The following COPB2 variants were observed in gnomAD, a reference collection of about 807,000 sequenced individuals.
COPB2 encodes the protein coat protein complex I subunit beta 2.
A neutral mutation model predicts 120.8 loss-of-function variants in COPB2; 16 were observed. That is an observed-to-expected ratio of 0.13 (90% CI 0.09 to 0.20). COPB2 has a LOEUF of 0.20. Ranked by LOEUF, COPB2 falls within the 10% of genes least tolerant of loss-of-function variation. The pLI is 1.00. For synonymous variants in COPB2, 332 were observed against 366.3 expected (o/e 0.91, Z 1.07); for missense variants, 794 against 1,076.5 (o/e 0.74, Z 3.67).
chr3:139,366,707 A>C lies in COPB2; in HGVS notation c.1745T>G (p.Ile582Ser). 1 of 1,614,092 alleles carries C rather than the reference A, an allele frequency of 6.2e-7. No homozygotes were observed. The highest frequency in any genetic ancestry group is 1.3e-5 in the African/African-American group (1 of 75,046). ...TGAAACCAGCAGGGAATAGCTAATG[A>C]TGTTCAATTCTTTATCCCCCAGATA... is the stretch of plus-strand genomic sequence containing the variant. ...RLYLGDKELN[I>S]ISYSLLVSVL... is the part of the protein sequence containing the mutation. Residue 582 changes from isoleucine to serine, a missense_variant, in exon 15 of 22, where the codon ATC becomes AGC. Ile to Ser is a moderately radical substitution (Grantham distance 142, BLOSUM62 -2). Coordinates refer to ENST00000333188, the MANE Select transcript of COPB2 (RefSeq NM_004766.3).
chr3:139,378,194 G>C lies in COPB2; in HGVS notation c.356-5C>G, dbSNP rs746436634. 2.6e-6 allele frequency: 4 copies of C among 1,534,360 alleles called. No homozygotes were observed. The highest frequency in any genetic ancestry group is 1.3e-5 in the South Asian group (1 of 79,922). On this transcript the variant is annotated splice_region_variant and splice_polypyrimidine_tract_variant and intron_variant, in intron 4 of 21. Coordinates refer to ENST00000333188, the MANE Select transcript of COPB2 (RefSeq NM_004766.3). ...AGAGCTTAATAAGCATGTCATCTAG[G>C]CCAAAAGAAAGTCTCAAGTTAGTTG...
chr3:139,376,515 C>G (rs986810325), intron 5 of COPB2, among the ~76,000 whole-genome samples: 3 of 151,986 alleles, frequency 2.0e-5, no homozygotes, highest in Non-Finnish European at 4.4e-5. Flanking sequence ...CAAGATAAAC[C>G]TAAATTAGTA....
intron 15 of COPB2, among the ~76,000 whole-genome samples, chr3:139,363,467 C>G (rs1252092630): frequency 6.6e-6 from 1 of 152,168 alleles, no homozygotes; most frequent in Non-Finnish European, 1.5e-5. Flanking sequence ...AAATGTACCC[C>G]CTTCCCATCT....
chr3:139,383,129 A>T (rs1451029872), intron 2 of COPB2, 169 bp downstream of exon 2: 7 of 748,330 alleles, frequency 9.4e-6, no homozygotes, highest in Non-Finnish European at 1.4e-5. Context: ...TCTCCTACAA[A>T]CTATCCCCTC....
rs749298893 is a variant in COPB2 at position 139,389,528 on chromosome 3, T to G, written c.3+20A>C. The G allele has an allele frequency of 6.4e-7, 1 of 1,560,128 alleles. No individual in the cohort carries two copies. Among genetic ancestry groups the G allele is most frequent in the Non-Finnish European group, 8.7e-7 (1 of 1,143,046 alleles). On this transcript the variant is annotated intron_variant, in intron 1 of 21. Coordinates refer to ENST00000333188, the MANE Select transcript of COPB2 (RefSeq NM_004766.3). ...CGTAACCTATGGGACCCCGCTCCCT[T>G]CTACGGGATCTGGACCTACCATGGC...
intron 5 of COPB2, among the ~76,000 whole-genome samples, chr3:139,376,855 T>G (rs567351472): frequency 7.1e-4 from 108 of 152,364 alleles, no homozygotes; most frequent in African/African-American, 2.6e-3. Flanking sequence ...GTTCATGCCA[T>G]TCTCCTGCCT....
rs778168278 is a variant in COPB2 at position 139,367,094 on chromosome 3, A to T, written c.1597T>A (p.Cys533Ser). ...IVKTGLWVGD[C>S]FIYTSSVNRL... ...TTCACAGAACTTGTGTAAATGAAGC[A>T]ATCGCCTACCCAAAGCCCTGTTTTC... The change falls in exon 14 of 22, where the codon TGC (cysteine) becomes AGC (serine). Residue 533 changes from cysteine (C) to serine (S), a missense_variant. Coordinates refer to ENST00000333188, the MANE Select transcript of COPB2 (RefSeq NM_004766.3). 5.0e-6 allele frequency: 8 copies of T among 1,613,998 alleles called. No homozygotes were observed. The East Asian group carries it at 1.1e-4, about 22-fold the overall frequency.
At chr3:139,387,183 C>G (rs1430308462) in intron 1 of COPB2, among the ~76,000 whole-genome samples, 1 of 151,064 alleles carries the variant, frequency 6.6e-6, no homozygotes, top group East Asian at 1.9e-4. Context: ...TGCACTCCAG[C>G]CTGGGCGACA....
chr3:139,366,835 C>A, intron 14 of COPB2, 60 bp from the exon 15 acceptor site: 1 of 1,550,866 alleles, frequency 6.4e-7, no homozygotes, highest in Non-Finnish European at 8.8e-7. Context: ...AAACACACAC[C>A]CCGCCAATCT....
intron 18 of COPB2, 36 bp downstream of exon 18, chr3:139,359,234 T>C (rs748023480): frequency 5.0e-5 from 81 of 1,612,424 alleles, no homozygotes; most frequent in Admixed American, 1.2e-4. Flanking sequence ...TCTCTTTTTA[T>C]TGGAAACATT....
At position 139,361,120 on chromosome 3, in the gene COPB2, T is replaced by C. The variant is rs561119379; in HGVS notation, c.2171A>G (p.Lys724Arg). Residue 724 changes from lysine to arginine, a missense_variant, in exon 17 of 22, where the codon AAA becomes AGA. Physicochemically the swap from Lys to Arg is conservative, Grantham distance 26. This residue lies in a region of COPB2 where 6 missense variants were observed against 26.5 expected (regional missense o/e 0.23). Coordinates refer to ENST00000333188, the MANE Select transcript of COPB2 (RefSeq NM_004766.3). Reference protein sequence around the residue: ...KLAEGAERDGKNNVAFMSYFL... With the variant: ...KLAEGAERDGRNNVAFMSYFL... ...GTAGCTCATGAATGCCACATTATTT[T>C]TGCCATCTCTCTCCGCACCCTCTGC... The C allele has an allele frequency of 6.2e-7, 1 of 1,614,244 alleles. No homozygotes were observed. Among genetic ancestry groups the C allele is most frequent in the Admixed American group, 1.7e-5 (1 of 60,024 alleles).
intron 1 of COPB2, chr3:139,388,514 C>T (rs1192489926): frequency 7.4e-6 from 1 of 135,412 alleles, no homozygotes; most frequent in African/African-American, 2.5e-5. Flanking sequence ...CCAACTTTGC[C>T]ACAATTAACC....
At position 139,358,180 on chromosome 3, in the gene COPB2, G is replaced by C; in HGVS notation, c.2625+20C>G. The C allele has an allele frequency of 1.2e-6, 2 of 1,608,626 alleles. No homozygotes were observed. Among genetic ancestry groups the C allele is most frequent in the Non-Finnish European group, 1.7e-6 (2 of 1,175,036 alleles). ...AGGAAGATGGGGTAGAGGGAGGTTTGAGTATGATGTCTGACCTACCTTTTC... is the reference window on the plus strand; with the variant it reads ...AGGAAGATGGGGTAGAGGGAGGTTTCAGTATGATGTCTGACCTACCTTTTC... On this transcript the variant is annotated intron_variant, in intron 21 of 21. Transcript: ENST00000333188.
intron 8 of COPB2, 80 bp from the exon 9 acceptor site, chr3:139,373,492 TAACA>T: frequency 8.4e-6 from 13 of 1,538,672 alleles, no homozygotes; most frequent in Non-Finnish European, 1.2e-5. Context: ...TTTTTTCACC[TAACA>T]GAGAGCTCCA....
rs550125670 is a variant in COPB2 at position 139,360,440 on chromosome 3, C to T, written c.2210+641G>A. The stretch of plus-strand genomic sequence containing the variant: ...GGCTAAGGCAGGAGAAGGGCTTGAA[C>T]GAGGGAGACAGAGGCTGCAATTAGC... On this transcript the variant is annotated intron_variant, in intron 17 of 21. Transcript: ENST00000333188. Among the ~76,000 whole-genome samples the T allele has an allele frequency of 3.3e-3, 481 of 144,660 alleles. 1 individual carries two copies. Among genetic ancestry groups the T allele is most frequent in the Non-Finnish European group, 5.7e-3 (384 of 67,164 alleles). The allele number at this position is 144,660 out of a possible 152,430, so 94.9% of individuals were successfully genotyped here. A position where few individuals can be genotyped will look rare whatever the true frequency, so the allele number is the denominator to read the frequency against.
At chr3:139,383,659 C>T (rs1941854907) in intron 1 of COPB2, among the ~76,000 whole-genome samples, 1 of 152,140 alleles carries the variant, frequency 6.6e-6, no homozygotes, top group African/African-American at 2.4e-5. Context: ...AAGCTTTTTG[C>T]TCTAAGGATT....
At chr3:139,364,281 C>G (rs1403582640) in intron 15 of COPB2, among the ~76,000 whole-genome samples, 1 of 152,134 alleles carries the variant, frequency 6.6e-6, no homozygotes, top group Non-Finnish European at 1.5e-5. Context: ...TTCAGAAACT[C>G]TAGATCCGCT....
chr3:139,358,707 T>A, intron 20 of COPB2, 37 bp downstream of exon 20: 2 of 1,433,098 alleles, frequency 1.4e-6, no homozygotes, highest in Non-Finnish European at 2.0e-6. Context: ...AAGTGAACCA[T>A]CTCAGCCAAA....
rs1941313718 is a variant in COPB2 at position 139,357,603 on chromosome 3, G to C, written c.*260C>G. On this transcript the variant is annotated 3_prime_UTR_variant, in exon 22 of 22. Coordinates refer to ENST00000333188, the MANE Select transcript of COPB2 (RefSeq NM_004766.3). ...ACAAGTACCTTCATTAATTCAAAAGGTTTTATGAGATATGGTCTAATAGTA... is the reference window on the plus strand; with the variant it reads ...ACAAGTACCTTCATTAATTCAAAAGCTTTTATGAGATATGGTCTAATAGTA... The C allele has an allele frequency of 3.2e-6, 1 of 308,266 alleles. No individual in the cohort carries two copies. The highest frequency in any genetic ancestry group is 2.1e-5 in the African/African-American group (1 of 46,564). 19.1% of individuals were successfully genotyped at this position (308,266 alleles called of 1,614,324 possible).
Sources: gnomAD v4.1 joint callset for allele counts (sites outside exome capture counted in the v4.1 genomes callset) on GRCh38, gnomAD v4.1.1 for gene constraint, gnomAD v4.1.1 regional missense constraint, MANE v1.5 for transcripts, NCBI Gene and HGNC (gene_info 2026-07-23, HGNC 2026-07-21) for gene names.